LZTS1: variants seen among roughly 807,000 people sequenced by gnomAD.
LZTS1 encodes leucine zipper tumor suppressor 1.
Under a neutral mutation model 45.8 loss-of-function variants are expected in LZTS1, and 31 were observed. The ratio of observed to expected loss-of-function variants is 0.68; its 90% CI spans 0.51 to 0.91. LZTS1 has a LOEUF of 0.91. Ranked by LOEUF, LZTS1 falls within the 40% of genes least tolerant of loss-of-function variation. The probability of loss-of-function intolerance (pLI) is 0.00; values close to 1 mark genes in which losing one functional copy is unlikely to be tolerated. For synonymous variants in LZTS1, 359 were observed against 357.3 expected (o/e 1.00, Z -0.05); for missense variants, 821 against 788.9 (o/e 1.04, Z -0.49).
intron 1 of LZTS1, among the ~76,000 whole-genome samples, chr8:20,294,866 T>C (rs1002099760): frequency 1.3e-5 from 2 of 151,844 alleles, no homozygotes; most frequent in African/African-American, 4.8e-5. Flanking sequence ...TGGGGCTGCC[T>C]CTCTGGAAGG....
chr8:20,283,690 G>A (rs1389736773), intron 1 of LZTS1, among the ~76,000 whole-genome samples: 1 of 152,146 alleles, frequency 6.6e-6, no homozygotes, highest in Non-Finnish European at 1.5e-5. Context: ...TATGAGTTAT[G>A]TAGAGTAGCA....
At chr8:20,283,677 G>A (rs1208105183) in intron 1 of LZTS1, among the ~76,000 whole-genome samples, 4 of 152,138 alleles carry the variant, frequency 2.6e-5, no homozygotes, top group Non-Finnish European at 4.4e-5. Flanking sequence ...CTAGAGAAGG[G>A]AATATGAGTT....
In LZTS1 at chr8:20,251,475, T is replaced by C. The variant is rs149615770; in HGVS notation, c.1150-1112A>G. Among the ~76,000 whole-genome samples, 325 of 152,226 alleles carry C rather than the reference T, an allele frequency of 2.1e-3. 1 individual carries two copies. Among genetic ancestry groups the C allele is most frequent in the Non-Finnish European group, 2.9e-3 (196 of 68,028 alleles). ...GTGGCTTCCAGGCTAGTTCCAAGAATCCATTCTGTAGAGCCACATGCTCTG... is the reference window on the plus strand; with the variant it reads ...GTGGCTTCCAGGCTAGTTCCAAGAACCCATTCTGTAGAGCCACATGCTCTG... On this transcript the variant is annotated intron_variant, in intron 3 of 3. Coordinates refer to ENST00000381569, the MANE Select transcript of LZTS1 (RefSeq NM_021020.5).
chr8:20,271,037 G>A (rs770370008), intron 1 of LZTS1, among the ~76,000 whole-genome samples: 8 of 152,044 alleles, frequency 5.3e-5, no homozygotes, highest in Non-Finnish European at 8.8e-5. Flanking sequence ...TGGGTACCTG[G>A]CACTGTCTGT....
At chr8:20,287,649 A>G (rs574972006) in intron 1 of LZTS1, among the ~76,000 whole-genome samples, 2 of 152,118 alleles carry the variant, frequency 1.3e-5, no homozygotes, top group Non-Finnish European at 1.5e-5. Context: ...GCCCGGGACC[A>G]GGCATGGTGG....
intron 1 of LZTS1, among the ~76,000 whole-genome samples, chr8:20,300,310 T>G (rs773811522): frequency 2.0e-5 from 3 of 152,196 alleles, no homozygotes; most frequent in Non-Finnish European, 4.4e-5. Flanking sequence ...ATACTCATAG[T>G]ATCTACTGAA....
chr8:20,257,784 C>T (rs1050532817), intron 1 of LZTS1, among the ~76,000 whole-genome samples: 2 of 151,736 alleles, frequency 1.3e-5, no homozygotes, highest in African/African-American at 4.8e-5. Context: ...ATTCTCCCAC[C>T]TCAGTCTCCC....
At chr8:20,287,725 G>C (rs1017551875) in intron 1 of LZTS1, among the ~76,000 whole-genome samples, 1 of 151,922 alleles carries the variant, frequency 6.6e-6, no homozygotes, top group African/African-American at 2.4e-5. Flanking sequence ...TCAGGAGTTC[G>C]AGACCAGCCT....
chr8:20,290,699 T>A (rs1212126203), intron 1 of LZTS1, among the ~76,000 whole-genome samples: 2 of 152,236 alleles, frequency 1.3e-5, no homozygotes, highest in Non-Finnish European at 2.9e-5. Context: ...ACAACCCCCA[T>A]AAACTGAACT....
intron 1 of LZTS1, among the ~76,000 whole-genome samples, chr8:20,285,406 A>G (rs926920289): frequency 6.6e-6 from 1 of 152,220 alleles, no homozygotes; most frequent in African/African-American, 2.4e-5. Context: ...CTCACAATAA[A>G]TTAATATACA....
chr8:20,265,951 A>G (rs1429700959), intron 1 of LZTS1, among the ~76,000 whole-genome samples: 1 of 152,136 alleles, frequency 6.6e-6, no homozygotes, highest in African/African-American at 2.4e-5. Flanking sequence ...CCTTGAAGGC[A>G]GATAGCACTA....
intron 1 of LZTS1, among the ~76,000 whole-genome samples, chr8:20,303,178 T>C (rs945541643): frequency 2.6e-5 from 4 of 152,246 alleles, no homozygotes; most frequent in Middle Eastern, 3.4e-3. Flanking sequence ...ATTTACCACC[T>C]TCCTCTCTAA....
intron 1 of LZTS1, among the ~76,000 whole-genome samples, chr8:20,302,408 G>C (rs116446932): frequency 6.6e-6 from 1 of 151,942 alleles, no homozygotes; most frequent in African/African-American, 2.4e-5. Flanking sequence ...CACACTCTTC[G>C]GGCACCTCCA....
At position 20,255,186 on chromosome 8, in the gene LZTS1, A is replaced by T; in HGVS notation, c.-5T>A. On this transcript the variant is annotated 5_prime_UTR_variant, in exon 2 of 4. Transcript: ENST00000381569. ...GAGGCTACTGACGCTGCCCATGGTGACTCGGGGCTGAGGATGGGGCAGGGC... is the reference window on the plus strand; with the variant it reads ...GAGGCTACTGACGCTGCCCATGGTGTCTCGGGGCTGAGGATGGGGCAGGGC... 6.2e-7 allele frequency: 1 copy of T among 1,607,956 alleles called. No individual in the cohort carries two copies. The highest frequency in any genetic ancestry group is 1.3e-5 in the African/African-American group (1 of 74,950).
At chr8:20,266,168 A>G (rs548684370) in intron 1 of LZTS1, among the ~76,000 whole-genome samples, 22 of 152,146 alleles carry the variant, frequency 1.4e-4, no homozygotes, top group Non-Finnish European at 2.8e-4. Flanking sequence ...GACTACAGGT[A>G]TATGCCACCA....
intron 1 of LZTS1, among the ~76,000 whole-genome samples, chr8:20,296,120 A>G (rs866433022): frequency 6.6e-6 from 1 of 152,204 alleles, no homozygotes; most frequent in South Asian, 2.1e-4. Flanking sequence ...CATGGTGCCA[A>G]GAGGAGGGTG....
intron 1 of LZTS1, among the ~76,000 whole-genome samples, chr8:20,263,208 C>T (rs1350358748): frequency 5.9e-5 from 9 of 152,162 alleles, no homozygotes; most frequent in African/African-American, 1.4e-4. Flanking sequence ...ACCCCACGAC[C>T]GCCTTGAACT....
chr8:20,278,057 G>A (rs1441539708), intron 1 of LZTS1, among the ~76,000 whole-genome samples: 1 of 152,132 alleles, frequency 6.6e-6, no homozygotes, highest in Non-Finnish European at 1.5e-5. Flanking sequence ...CCCAACCCAG[G>A]AATGTCAGGT....
At chr8:20,283,015 C>T (rs1219152228) in intron 1 of LZTS1, among the ~76,000 whole-genome samples, 1 of 152,074 alleles carries the variant, frequency 6.6e-6, no homozygotes, top group Non-Finnish European at 1.5e-5. Flanking sequence ...ATGGAGCATC[C>T]CTGGGGGCTC....
Sources: allele counts gnomAD v4.1 joint callset (sites outside exome capture counted in the v4.1 genomes callset), GRCh38; gene constraint gnomAD v4.1.1; transcripts MANE v1.5; gene names NCBI Gene and HGNC (gene_info 2026-07-23, HGNC 2026-07-21).